Variants in PBX1 observed in about 807,000 individuals in gnomAD.
The protein encoded by PBX1 is pre-B-cell leukemia transcription factor 1.
In PBX1, 6 loss-of-function variants were observed where a neutral mutation model predicts 53.4. The ratio of observed to expected loss-of-function variants is 0.11; its 90% CI spans 0.06 to 0.22. PBX1 has a LOEUF of 0.22. Ranked by LOEUF, PBX1 falls within the 10% of genes least tolerant of loss-of-function variation. The pLI is 1.00. For missense variants in PBX1, 251 were observed against 551.4 expected, an observed-to-expected ratio of 0.46 and a Z score of 5.46; for synonymous variants, 204 against 212.3, an observed-to-expected ratio of 0.96 and a Z score of 0.34.
intron 2 of PBX1, among the ~76,000 whole-genome samples, chr1:164,723,312 G>A (rs961672546): frequency 6.6e-6 from 1 of 152,096 alleles, no homozygotes; most frequent in Admixed American, 6.5e-5. Flanking sequence ...AGTTTCTTGG[G>A]CTAACTCTTT....
At chr1:164,875,838 T>C (rs904879661) in intron 2 of PBX1, among the ~76,000 whole-genome samples, 22 of 152,036 alleles carry the variant, frequency 1.4e-4, no homozygotes, top group African/African-American at 5.1e-4. Flanking sequence ...ATTGGTTCTA[T>C]ATAAAAGTTC....
At chr1:164,630,512 C>G (rs1325039321) in intron 2 of PBX1, among the ~76,000 whole-genome samples, 1 of 152,118 alleles carries the variant, frequency 6.6e-6, no homozygotes, top group East Asian at 1.9e-4. Flanking sequence ...CACTCAATAT[C>G]ATTCTTCTTT....
intron 2 of PBX1, among the ~76,000 whole-genome samples, chr1:164,870,278 T>C (rs867995003): frequency 0.044 from 1,011 of 22,920 alleles, 10 homozygotes; most frequent in South Asian, 0.11. Flanking sequence ...TCTTTCTTTC[T>C]TTCTTTCTTT....
At chr1:164,819,773 T>C (rs1670057951) in intron 6 of PBX1, 1 of 267,210 alleles carries the variant, frequency 3.7e-6, no homozygotes, top group African/African-American at 2.2e-5. Context: ...GAGACTACAA[T>C]CCAAATAGAC....
chr1:164,785,656 GC>G (rs1202085196), intron 2 of PBX1, among the ~76,000 whole-genome samples: 1 of 152,198 alleles, frequency 6.6e-6, no homozygotes, highest in African/African-American at 2.4e-5. Flanking sequence ...TGAAGTCGGA[GC>G]CCATATCTGG....
chr1:164,664,104 G>GTGTC (rs1253497487), intron 2 of PBX1, among the ~76,000 whole-genome samples: 1 of 152,232 alleles, frequency 6.6e-6, no homozygotes, highest in Admixed American at 6.5e-5. Flanking sequence ...ACCAAGGGAA[G>GTGTC]TGTCTGTCTG....
chr1:164,735,739 A>G (rs929454273), intron 2 of PBX1, among the ~76,000 whole-genome samples: 3 of 152,192 alleles, frequency 2.0e-5, no homozygotes, highest in African/African-American at 4.8e-5. Flanking sequence ...CAAGTTTTCA[A>G]CATTCCGGGG....
At chr1:164,761,594 G>C (rs995318630) in intron 2 of PBX1, among the ~76,000 whole-genome samples, 1 of 152,054 alleles carries the variant, frequency 6.6e-6, no homozygotes, top group Non-Finnish European at 1.5e-5. Flanking sequence ...ACAGGTGCGC[G>C]CCACCATGCC....
chr1:164,646,314 T>G (rs1659449441), intron 2 of PBX1, among the ~76,000 whole-genome samples: 1 of 152,284 alleles, frequency 6.6e-6, no homozygotes, highest in South Asian at 2.1e-4. Context: ...ATAATCAATC[T>G]GATGTTTTTG....
chr1:164,571,918 C>CATATATT (rs1557867060), intron 2 of PBX1, among the ~76,000 whole-genome samples: 6 of 42,342 alleles, frequency 1.4e-4, no homozygotes, highest in East Asian at 5.4e-4. Flanking sequence ...TATATATATG[C>CATATATT]TTTTTTTTTT....
chr1:164,730,632 G>A (rs1664927615), intron 2 of PBX1, among the ~76,000 whole-genome samples: 1 of 151,978 alleles, frequency 6.6e-6, no homozygotes, highest in Non-Finnish European at 1.5e-5. Context: ...TGTTCTCCTT[G>A]CTTTAGCTAG....
chr1:164,883,573 T>G (rs906303815), intron 2 of PBX1, among the ~76,000 whole-genome samples: 4 of 152,178 alleles, frequency 2.6e-5, no homozygotes, highest in Non-Finnish European at 4.4e-5. Flanking sequence ...TTTTGGAAAT[T>G]TATTGATAGA....
intron 2 of PBX1, among the ~76,000 whole-genome samples, chr1:164,678,875 C>T (rs1378649963): frequency 6.6e-6 from 1 of 151,942 alleles, no homozygotes; most frequent in Non-Finnish European, 1.5e-5. Flanking sequence ...TTCCAAGCTC[C>T]AGGGGAGACC....
intron 8 of PBX1, among the ~76,000 whole-genome samples, chr1:164,823,901 G>T (rs995950136): frequency 6.6e-6 from 1 of 152,108 alleles, no homozygotes; most frequent in Non-Finnish European, 1.5e-5. Context: ...TGTGCCACCT[G>T]CAGGAGGCTA....
chr1:164,622,474 T>C (rs1657745939), intron 2 of PBX1, among the ~76,000 whole-genome samples: 1 of 152,112 alleles, frequency 6.6e-6, no homozygotes, highest in African/African-American at 2.4e-5. Flanking sequence ...AGGCTGCTTG[T>C]TCCCTATGCC....
chr1:164,600,000 G>A (rs532338201), intron 2 of PBX1, among the ~76,000 whole-genome samples: 2 of 152,246 alleles, frequency 1.3e-5, no homozygotes, highest in South Asian at 4.1e-4. Context: ...CAGTTTAGGG[G>A]CAATGCTAAG....
At chr1:164,618,087 G>A (rs926457550) in intron 2 of PBX1, among the ~76,000 whole-genome samples, 14 of 152,144 alleles carry the variant, frequency 9.2e-5, no homozygotes, top group Admixed American at 3.3e-4. Context: ...TTCTTTTCTA[G>A]AAAGCGTTTG....
At chr1:164,635,882 G>C (rs560944621) in intron 2 of PBX1, among the ~76,000 whole-genome samples, 12 of 152,302 alleles carry the variant, frequency 7.9e-5, no homozygotes, top group African/African-American at 2.6e-4. Context: ...TTCTCTCTCT[G>C]TGTGGCAAGC....
chr1:164,738,415 A>G (rs910000283), intron 2 of PBX1, among the ~76,000 whole-genome samples: 1 of 152,156 alleles, frequency 6.6e-6, no homozygotes, highest in Non-Finnish European at 1.5e-5. Context: ...CCTCCCAAGT[A>G]GATAGGATTA....
Sources: allele counts gnomAD v4.1 joint callset (sites outside exome capture counted in the v4.1 genomes callset), GRCh38; gene constraint gnomAD v4.1.1; transcripts MANE v1.5; gene names NCBI Gene and HGNC (gene_info 2026-07-23, HGNC 2026-07-21).